Variants in CYB5R4 observed in about 807,000 individuals in gnomAD.
CYB5R4 encodes N-terminal cytochrome b5 and cytochrome b5 oxidoreductase domain-containing protein.
CYB5R4 carries 55 observed loss-of-function variants against 70.2 expected under a neutral mutation model. The observed-to-expected ratio is 0.78, with a 90% CI of 0.63 to 0.98. The LOEUF (loss-of-function observed/expected upper bound fraction) is 0.98, where lower values mean the gene tolerates loss of function less well. Ranked by LOEUF, CYB5R4 falls within the 50% of genes least tolerant of loss-of-function variation. The pLI is 0.00. For synonymous variants in CYB5R4, 197 were observed against 199.5 expected, an observed-to-expected ratio of 0.99 and a Z score of 0.11; for missense variants, 562 against 612.6, an observed-to-expected ratio of 0.92 and a Z score of 0.87.
At chr6:83,896,885 C>T (rs1182940867) in intron 3 of CYB5R4, among the ~76,000 whole-genome samples, 2 of 151,896 alleles carry the variant, frequency 1.3e-5, no homozygotes, top group East Asian at 1.9e-4. Flanking sequence ...TTTACATTCC[C>T]AACAACAGTG....
chr6:83,905,420 A>G (rs1441176285), intron 3 of CYB5R4, among the ~76,000 whole-genome samples: 1 of 152,130 alleles, frequency 6.6e-6, no homozygotes, highest in Non-Finnish European at 1.5e-5. Context: ...TTGGTGGGGT[A>G]GGACACTTCG....
intron 3 of CYB5R4, 32 bp from the exon 4 acceptor site, chr6:83,908,977 G>A: frequency 6.3e-7 from 1 of 1,588,594 alleles, no homozygotes; most frequent in East Asian, 2.2e-5. Context: ...AGTTAGTCAT[G>A]TTGCTTTTCC....
chr6:83,864,983 C>G (rs972617202), intron 2 of CYB5R4, among the ~76,000 whole-genome samples: 4 of 152,068 alleles, frequency 2.6e-5, no homozygotes, highest in African/African-American at 9.7e-5. Context: ...TCCAACTATA[C>G]CATGAGGCTC....
At position 83,896,975 on chromosome 6, in the gene CYB5R4, A is replaced by T. The variant is rs567701031; in HGVS notation, c.330+3353A>T. Among the ~76,000 whole-genome samples, 11 of 151,948 alleles carry T rather than the reference A, an allele frequency of 7.2e-5. No homozygotes were observed. The East Asian group carries it at 2.1e-3, about 30-fold the overall frequency. ...TGCACAATGTGCAGGTTTGTTACAT[A>T]TGTATACGTGTGCCATTTTGGTGTG... On this transcript the variant is annotated intron_variant, in intron 3 of 15. Coordinates refer to ENST00000369681, the MANE Select transcript of CYB5R4 (RefSeq NM_016230.4).
chr6:83,959,531 TATC>T (rs1411608014), intron 15 of CYB5R4, among the ~76,000 whole-genome samples: 1 of 152,164 alleles, frequency 6.6e-6, no homozygotes, highest in African/African-American at 2.4e-5. Flanking sequence ...CTAAAAGACT[TATC>T]AGCCAATCAT....
At chr6:83,879,480 C>T (rs1232228469) in intron 2 of CYB5R4, among the ~76,000 whole-genome samples, 2 of 152,094 alleles carry the variant, frequency 1.3e-5, no homozygotes, top group South Asian at 2.1e-4. Flanking sequence ...GTACAGGGAC[C>T]GGTGGTGGGA....
At chr6:83,879,756 T>G (rs894049768) in intron 2 of CYB5R4, among the ~76,000 whole-genome samples, 1 of 152,148 alleles carries the variant, frequency 6.6e-6, no homozygotes, top group East Asian at 1.9e-4. Flanking sequence ...GGTGAAAGAT[T>G]ATGAAAAAAG....
intron 3 of CYB5R4, among the ~76,000 whole-genome samples, chr6:83,900,563 AG>A (rs1562833998): frequency 6.6e-6 from 1 of 151,662 alleles, no homozygotes; most frequent in Non-Finnish European, 1.5e-5. Flanking sequence ...TGTTGACAGT[AG>A]GGTGTTAAAG....
Position 83,919,435 on chromosome 6 carries a change from C to A in CYB5R4, c.545C>A (p.Ala182Asp). The A allele has an allele frequency of 2.0e-6, 3 of 1,509,216 alleles. No individual in the cohort carries two copies. Among genetic ancestry groups the A allele is most frequent in the South Asian group, 1.2e-5 (1 of 80,528 alleles). 93.5% of individuals were successfully genotyped at this position (1,509,216 alleles called of 1,614,324 possible). A position where few individuals can be genotyped will look rare whatever the true frequency, so the allele number is the denominator to read the frequency against. Residue 182 changes from alanine (A) to aspartate (D), a missense_variant, in exon 7 of 16, where the codon GCC (alanine) becomes GAC (aspartate). Transcript: ENST00000369681. ...CAAACAGACTCTTTAGTCACCATTG[C>A]CATATATACTAAACAGAAGGTAAAT... ...WFQTDSLVTI[A>D]IYTKQKDINL...
At chr6:83,920,321 C>T (rs1161075603) in intron 7 of CYB5R4, among the ~76,000 whole-genome samples, 1 of 152,070 alleles carries the variant, frequency 6.6e-6, no homozygotes, top group Non-Finnish European at 1.5e-5. Flanking sequence ...ATGATTTGGT[C>T]ATTCTGCAGG....
At chr6:83,900,061 G>A (rs888950216) in intron 3 of CYB5R4, among the ~76,000 whole-genome samples, 14 of 151,894 alleles carry the variant, frequency 9.2e-5, no homozygotes, top group East Asian at 3.9e-4. Context: ...GTGATGTTAG[G>A]GTGTCAATTT....
At chr6:83,936,654 G>T (rs763531719) in intron 12 of CYB5R4, among the ~76,000 whole-genome samples, 1 of 152,108 alleles carries the variant, frequency 6.6e-6, no homozygotes, top group Non-Finnish European at 1.5e-5. Flanking sequence ...GCTAAGTTCT[G>T]TTGAGTCTAC....
At chr6:83,911,780 A>T (rs1588573737) in intron 4 of CYB5R4, among the ~76,000 whole-genome samples, 1 of 152,126 alleles carries the variant, frequency 6.6e-6, no homozygotes, top group African/African-American at 2.4e-5. Context: ...ACGGTGGCTG[A>T]CACCTGTAAT....
At chr6:83,881,594 G>A (rs2099459449) in intron 2 of CYB5R4, among the ~76,000 whole-genome samples, 1 of 152,174 alleles carries the variant, frequency 6.6e-6, no homozygotes, top group Non-Finnish European at 1.5e-5. Flanking sequence ...TTTTATGGAA[G>A]TTCCTCTCCA....
chr6:83,898,245 G>T (rs2099462251), intron 3 of CYB5R4, among the ~76,000 whole-genome samples: 1 of 151,966 alleles, frequency 6.6e-6, no homozygotes, highest in African/African-American at 2.4e-5. Flanking sequence ...TCTTGTTTTT[G>T]TCAGGTTTGT....
intron 14 of CYB5R4, among the ~76,000 whole-genome samples, chr6:83,944,208 G>T (rs928373705): frequency 2.9e-5 from 3 of 105,236 alleles, no homozygotes; most frequent in African/African-American, 1.0e-4. Context: ...ACCCACAAAG[G>T]GAAGCCCATC....
intron 2 of CYB5R4, among the ~76,000 whole-genome samples, chr6:83,880,472 G>A (rs530366072): frequency 2.0e-4 from 31 of 152,142 alleles, no homozygotes; most frequent in Non-Finnish European, 4.1e-4. Flanking sequence ...AGACATGGAG[G>A]AAGGCAGGGA....
chr6:83,885,102 AT>A (rs960372442), intron 2 of CYB5R4, among the ~76,000 whole-genome samples: 2 of 152,226 alleles, frequency 1.3e-5, no homozygotes, highest in African/African-American at 4.8e-5. Context: ...AATTTTACAA[AT>A]AATGAGCCCA....
intron 1 of CYB5R4, among the ~76,000 whole-genome samples, chr6:83,860,787 T>C (rs1041527993): frequency 3.3e-5 from 5 of 152,212 alleles, no homozygotes; most frequent in African/African-American, 1.2e-4. Flanking sequence ...GGATCTGTGG[T>C]TTTCATTAGC....
Sources: allele counts gnomAD v4.1 joint callset (sites outside exome capture counted in the v4.1 genomes callset), GRCh38; gene constraint gnomAD v4.1.1; transcripts MANE v1.5; gene names NCBI Gene and HGNC (gene_info 2026-07-23, HGNC 2026-07-21).